The following DLG2 variants were observed in gnomAD, a reference collection of about 807,000 sequenced individuals.
DLG2 encodes the protein discs large MAGUK scaffold protein 2, also known as disks large homolog 2.
In DLG2, 45 loss-of-function variants were observed where a neutral mutation model predicts 132.5. That is an observed-to-expected ratio of 0.34 (90% CI 0.27 to 0.44). The LOEUF is 0.44. DLG2 is among the 20% of genes least tolerant of loss of function. The pLI is 1.00. For synonymous variants in DLG2, 424 were observed against 419.6 expected (o/e 1.01, Z -0.13); for missense variants, 1,045 against 1,196.9 (o/e 0.87, Z 1.87).
chr11:84,740,804 G>A (rs970781655), intron 6 of DLG2, among the ~76,000 whole-genome samples: 13 of 152,146 alleles, frequency 8.5e-5, no homozygotes, highest in Non-Finnish European at 1.5e-4. Context: ...CCGCCAATCT[G>A]TTTCACACCC....
intron 25 of DLG2, among the ~76,000 whole-genome samples, chr11:83,468,066 C>T (rs1565341346): frequency 6.6e-6 from 1 of 151,856 alleles, no homozygotes; most frequent in South Asian, 2.1e-4. Flanking sequence ...TATTCTACCT[C>T]CTGGAGAGAA....
intron 11 of DLG2, among the ~76,000 whole-genome samples, chr11:84,010,125 T>A (rs938756352): frequency 2.6e-5 from 4 of 151,998 alleles, no homozygotes; most frequent in African/African-American, 9.7e-5. Flanking sequence ...CTAAATAGTA[T>A]GAAAATACTA....
At chr11:84,537,348 C>T (rs968092738) in intron 6 of DLG2, among the ~76,000 whole-genome samples, 45 of 152,056 alleles carry the variant, frequency 3.0e-4, no homozygotes, top group Non-Finnish European at 6.0e-4. Context: ...GCAGGTGATC[C>T]GTCCACCTCA....
intron 19 of DLG2, among the ~76,000 whole-genome samples, chr11:83,548,730 T>C (rs899919212): frequency 6.6e-6 from 1 of 152,172 alleles, no homozygotes; most frequent in East Asian, 1.9e-4. Flanking sequence ...TTAATTCTAA[T>C]TCTCACAAAA....
intron 4 of DLG2, among the ~76,000 whole-genome samples, chr11:85,196,190 C>G (rs1250100748): frequency 6.6e-6 from 1 of 152,144 alleles, no homozygotes; most frequent in Non-Finnish European, 1.5e-5. Flanking sequence ...GACTTCCACT[C>G]CAGTGGCATT....
chr11:85,520,269 T>C (rs1342265777), intron 3 of DLG2, among the ~76,000 whole-genome samples: 1 of 151,942 alleles, frequency 6.6e-6, no homozygotes, highest in African/African-American at 2.4e-5. Flanking sequence ...AATAATGAAA[T>C]ATCTAGGAAT....
chr11:85,250,718 A>C (rs2076357060), intron 4 of DLG2, among the ~76,000 whole-genome samples: 1 of 152,194 alleles, frequency 6.6e-6, no homozygotes, highest in African/African-American at 2.4e-5. Context: ...ATTCAATGTG[A>C]GAAGAGCAAT....
intron 15 of DLG2, among the ~76,000 whole-genome samples, chr11:83,894,571 C>A (rs1392232711): frequency 1.3e-5 from 2 of 152,044 alleles, no homozygotes. Context: ...ATTTTAACAC[C>A]TATATACAAT....
At chr11:83,529,715 G>T (rs1295968773) in intron 21 of DLG2, among the ~76,000 whole-genome samples, 2 of 151,932 alleles carry the variant, frequency 1.3e-5, no homozygotes, top group African/African-American at 4.8e-5. Context: ...GTTTTATTTT[G>T]GTAATAAGGC....
At chr11:83,846,872 C>G (rs1413383851) in intron 16 of DLG2, among the ~76,000 whole-genome samples, 1 of 136,272 alleles carries the variant, frequency 7.3e-6, no homozygotes, top group Non-Finnish European at 1.5e-5. Flanking sequence ...AACAAAGAAC[C>G]AATTTTATGT....
Position 84,704,967 on chromosome 11 carries a change from A to G in DLG2, c.358-170236T>C, listed in dbSNP as rs148426334. On this transcript the variant is annotated intron_variant, in intron 6 of 27. Transcript: ENST00000376104. ...ATATATTTTAAATTTAAGTAGGCAC[A>G]TGAGCATGTACACATGTGCACACTC... 4.6e-3 allele frequency among the ~76,000 whole-genome samples: 695 copies of G among 150,696 alleles called. 6 individuals carry two copies. The highest frequency in any genetic ancestry group is 0.019 in the South Asian group (93 of 4,798).
At chr11:84,790,309 GT>G (rs1293329993) in intron 6 of DLG2, among the ~76,000 whole-genome samples, 1 of 152,062 alleles carries the variant, frequency 6.6e-6, no homozygotes, top group Non-Finnish European at 1.5e-5. Flanking sequence ...TCTCATTGTA[GT>G]TTTGATTTGC....
intron 3 of DLG2, among the ~76,000 whole-genome samples, chr11:85,505,420 C>T (rs528734929): frequency 3.3e-5 from 5 of 151,954 alleles, no homozygotes; most frequent in Non-Finnish European, 5.9e-5. Context: ...ATTGAGAGTT[C>T]TTAGCATGAA....
chr11:84,942,711 A>T lies in DLG2; in HGVS notation c.357+168950T>A, dbSNP rs531964756. On this transcript the variant is annotated intron_variant, in intron 6 of 27. Transcript: ENST00000376104. ...CATGTACTCTGCAGCCAATGGGGGA[A>T]CTGTTCTGTAAACGTGTATTAGGTC... Among the ~76,000 whole-genome samples, 15 of 152,254 alleles carry T rather than the reference A, an allele frequency of 9.9e-5. No individual in the cohort carries two copies. In the South Asian group the frequency reaches 2.5e-3, roughly 25 times the overall value.
chr11:85,036,429 C>T (rs1398114450), intron 6 of DLG2, among the ~76,000 whole-genome samples: 3 of 152,132 alleles, frequency 2.0e-5, no homozygotes, highest in South Asian at 2.1e-4. Flanking sequence ...ATGCCTAACA[C>T]GTGGTCTCAA....
At chr11:84,485,922 C>A (rs1033998057) in intron 7 of DLG2, among the ~76,000 whole-genome samples, 1 of 152,094 alleles carries the variant, frequency 6.6e-6, no homozygotes, top group African/African-American at 2.4e-5. Context: ...ATTCAAGGAT[C>A]TAGACTAACA....
intron 3 of DLG2, among the ~76,000 whole-genome samples, chr11:85,387,256 T>C (rs2086422190): frequency 6.6e-6 from 1 of 152,332 alleles, no homozygotes; most frequent in Admixed American, 6.5e-5. Context: ...CAAATTGTAC[T>C]CTACAACATT....
chr11:84,102,739 G>A (rs1397421408), intron 9 of DLG2, among the ~76,000 whole-genome samples: 1 of 152,064 alleles, frequency 6.6e-6, no homozygotes, highest in Non-Finnish European at 1.5e-5. Context: ...CTTGCCAACA[G>A]AGAAAAGGGG....
chr11:84,009,892 A>C (rs1485865561), intron 11 of DLG2, among the ~76,000 whole-genome samples: 1 of 152,092 alleles, frequency 6.6e-6, no homozygotes, highest in Non-Finnish European at 1.5e-5. Flanking sequence ...AAAGATGTTA[A>C]GTAGTTTTCT....
Sources: allele counts gnomAD v4.1 joint callset (sites outside exome capture counted in the v4.1 genomes callset), GRCh38; gene constraint gnomAD v4.1.1; transcripts MANE v1.5; gene names NCBI Gene and HGNC (gene_info 2026-07-23, HGNC 2026-07-21).